The following CDA variants were observed in gnomAD, a reference collection of about 807,000 sequenced individuals.
The protein encoded by CDA is cytidine deaminase.
Under a neutral mutation model 15.0 loss-of-function variants are expected in CDA, and 7 were observed. The ratio of observed to expected loss-of-function variants is 0.47; its 90% CI spans 0.26 to 0.87. The LOEUF is 0.87. Among genes scored for constraint, CDA ranks in the 40% least tolerant of loss-of-function variants. The pLI is 0.15. For missense variants in CDA, 159 were observed against 182.7 expected (o/e 0.87, Z 0.75); for synonymous variants, 58 against 73.0 (o/e 0.79, Z 1.05).
In CDA at chr1:20,589,223, C is replaced by A. The variant is rs772193720; in HGVS notation, c.94C>A (p.Pro32Thr). 33 of 1,613,734 alleles carry A rather than the reference C, an allele frequency of 2.0e-5. No individual in the cohort carries two copies. Among genetic ancestry groups the A allele is most frequent in the Non-Finnish European group, 3.4e-6 (4 of 1,179,792 alleles). ...SQEAKKSAYC[P>T]YSHFPVGAAL... Reference sequence around the variant, plus strand: ...GGAGGCCAAGAAGTCAGCCTACTGCCCCTACAGTCACTTTCCTGTGGGGGC... The same window carrying A: ...GGAGGCCAAGAAGTCAGCCTACTGCACCTACAGTCACTTTCCTGTGGGGGC... The change falls in exon 1 of 4, where the codon CCC (proline) becomes ACC (threonine). Residue 32 changes from proline (P) to threonine (T), a missense_variant. Coordinates refer to ENST00000375071, the MANE Select transcript of CDA (RefSeq NM_001785.3).
At position 20,610,462 on chromosome 1, in the gene CDA, G is replaced by C. The variant is rs575107266; in HGVS notation, c.267-3380G>C. Among the ~76,000 whole-genome samples, 36 of 151,606 alleles carry C rather than the reference G, an allele frequency of 2.4e-4. 3 individuals carry two copies. The highest frequency in any genetic ancestry group is 5.9e-5 in the Non-Finnish European group (4 of 67,894). ...ATTACAGGCATCTGCCACCACGCCC[G>C]GCTAATTTTTGTATTCTTAGTAGAG... is the stretch of plus-strand genomic sequence containing the variant. On this transcript the variant is annotated intron_variant, in intron 2 of 3. Coordinates refer to ENST00000375071, the MANE Select transcript of CDA (RefSeq NM_001785.3).
intron 2 of CDA, among the ~76,000 whole-genome samples, chr1:20,611,735 G>A (rs991530715): frequency 3.9e-5 from 6 of 152,234 alleles, no homozygotes; most frequent in Non-Finnish European, 7.3e-5. Context: ...AGGTCTGCCT[G>A]TAGGAGCCTA....
In CDA at chr1:20,613,457, G is replaced by A. The variant is rs567709098; in HGVS notation, c.267-385G>A. On this transcript the variant is annotated intron_variant, in intron 2 of 3. Coordinates refer to ENST00000375071, the MANE Select transcript of CDA (RefSeq NM_001785.3). ...TGCCCTCAGGTGATCCACCCACCTC[G>A]GCCTCCCAAAGTGCTGGGATTACAG... Among the ~76,000 whole-genome samples, 21 of 152,244 alleles carry A rather than the reference G, an allele frequency of 1.4e-4. No homozygotes were observed. The South Asian group carries it at 3.3e-3, about 24-fold the overall frequency.
chr1:20,617,728 T>A (rs1332780247), intron 3 of CDA, among the ~76,000 whole-genome samples: 1 of 151,462 alleles, frequency 6.6e-6, no homozygotes, highest in Non-Finnish European at 1.5e-5. Context: ...CGAGTCTCGC[T>A]CTATGGCCAA....
intron 2 of CDA, among the ~76,000 whole-genome samples, chr1:20,609,694 C>G (rs1026332419): frequency 6.6e-6 from 1 of 152,194 alleles, no homozygotes; most frequent in East Asian, 1.9e-4. Context: ...TTTGTTGCTC[C>G]TTTCCCATGC....
intron 3 of CDA, among the ~76,000 whole-genome samples, chr1:20,616,135 C>A (rs1243773241): frequency 6.6e-6 from 1 of 152,196 alleles, no homozygotes. Context: ...GGGCCCCCTG[C>A]CAGGCGGTGA....
chr1:20,589,847 C>T (rs866709088), intron 1 of CDA, among the ~76,000 whole-genome samples: 2 of 152,082 alleles, frequency 1.3e-5, no homozygotes, highest in African/African-American at 4.8e-5. Context: ...ACGTGTTTGT[C>T]GGGGGTGGTC....
rs2052527437 is a variant in CDA, at chr1:20,589,286, A to G, written c.154+3A>G. The G allele has an allele frequency of 6.2e-7, 1 of 1,613,632 alleles. No homozygotes were observed. The highest frequency in any genetic ancestry group is 1.3e-5 in the African/African-American group (1 of 75,014). ...CCAGGAGGGGAGAATCTTCAAAGGT[A>G]AAGGTGGGCACCCCAGGGTCCCCCA... On this transcript the variant is annotated splice_donor_region_variant and intron_variant, in intron 1 of 3. Coordinates refer to ENST00000375071, the MANE Select transcript of CDA (RefSeq NM_001785.3).
intron 2 of CDA, among the ~76,000 whole-genome samples, chr1:20,610,329 T>C (rs1033339931): frequency 2.0e-5 from 3 of 149,932 alleles, no homozygotes; most frequent in Non-Finnish European, 4.4e-5. Context: ...TGAGATGGAG[T>C]CTTGCTCTGT....
At chr1:20,608,886 C>A (rs10916829) in intron 2 of CDA, among the ~76,000 whole-genome samples, 33,317 of 151,942 alleles carry the variant, frequency 0.22, 3,858 homozygotes, top group African/African-American at 0.23. Context: ...GATAAGAGCG[C>A]CTGCATACCC....
At chr1:20,598,412 C>G (rs913547720) in intron 1 of CDA, among the ~76,000 whole-genome samples, 10 of 152,212 alleles carry the variant, frequency 6.6e-5, no homozygotes, top group African/African-American at 2.4e-4. Context: ...CCTTGGACTT[C>G]CAAGCCTTCA....
intron 1 of CDA, among the ~76,000 whole-genome samples, chr1:20,599,388 G>A (rs938542577): frequency 6.6e-6 from 1 of 152,084 alleles, no homozygotes; most frequent in African/African-American, 2.4e-5. Flanking sequence ...GGAGGCTGAG[G>A]CGGGTGGATC....
chr1:20,615,200 C>T (rs1470615410), intron 3 of CDA, among the ~76,000 whole-genome samples: 9 of 151,950 alleles, frequency 5.9e-5, no homozygotes, highest in East Asian at 1.9e-4. Flanking sequence ...GCAAATCTTA[C>T]ATTATATATA....
chr1:20,606,815 G>T (rs1471028675), intron 2 of CDA, among the ~76,000 whole-genome samples: 1 of 152,168 alleles, frequency 6.6e-6, no homozygotes, highest in Non-Finnish European at 1.5e-5. Flanking sequence ...GTTGGCTCTG[G>T]CCCTAGACTC....
intron 2 of CDA, among the ~76,000 whole-genome samples, chr1:20,609,486 A>C (rs2052726466): frequency 6.8e-6 from 1 of 148,100 alleles, no homozygotes; most frequent in Admixed American, 6.7e-5. Context: ...ACTCCGTCTC[A>C]AAAAAAAAAA....
At chr1:20,596,756 C>CTTTTTTTTTTTT (rs61288769) in intron 1 of CDA, among the ~76,000 whole-genome samples, 1 of 101,124 alleles carries the variant, frequency 9.9e-6, no homozygotes, top group Non-Finnish European at 1.9e-5. Context: ...CTGTTGATGT[C>CTTTTTTTTTTTT]TTTTTTTTTT....
intron 3 of CDA, among the ~76,000 whole-genome samples, chr1:20,614,577 A>G (rs1222674180): frequency 2.0e-5 from 3 of 152,240 alleles, no homozygotes; most frequent in Non-Finnish European, 4.4e-5. Flanking sequence ...TTAGATATCC[A>G]GGAAGGCCCT....
intron 1 of CDA, among the ~76,000 whole-genome samples, chr1:20,599,049 G>A (rs1430323271): frequency 6.6e-6 from 1 of 152,212 alleles, no homozygotes; most frequent in African/African-American, 2.4e-5. Flanking sequence ...AGTAGTGGGA[G>A]GAAGCCATTT....
At chr1:20,614,406 T>C (rs956694812) in intron 3 of CDA, among the ~76,000 whole-genome samples, 5 of 152,040 alleles carry the variant, frequency 3.3e-5, no homozygotes, top group Non-Finnish European at 5.9e-5. Context: ...GTAAATAAAG[T>C]TTTATGGGTA....
Sources: gnomAD v4.1 joint callset for allele counts (sites outside exome capture counted in the v4.1 genomes callset) on GRCh38, gnomAD v4.1.1 for gene constraint, MANE v1.5 for transcripts, NCBI Gene and HGNC (gene_info 2026-07-23, HGNC 2026-07-21) for gene names.